ALOX5AP: variants seen among roughly 807,000 people sequenced by gnomAD.
ALOX5AP encodes arachidonate 5-lipoxygenase-activating protein.
ALOX5AP carries 9 observed loss-of-function variants against 18.5 expected under a neutral mutation model. That is an observed-to-expected ratio of 0.49 (90% CI 0.29 to 0.85). ALOX5AP has a LOEUF of 0.85. Ranked by LOEUF, ALOX5AP falls within the 40% of genes least tolerant of loss-of-function variation. The probability of loss-of-function intolerance (pLI) is 0.08; values close to 1 mark genes in which losing one functional copy is unlikely to be tolerated. For missense variants in ALOX5AP, 172 were observed against 202.5 expected, an observed-to-expected ratio of 0.85 and a Z score of 0.91; for synonymous variants, 81 against 78.6, an observed-to-expected ratio of 1.03 and a Z score of -0.16.
intron 1 of ALOX5AP, among the ~76,000 whole-genome samples, chr13:30,718,779 A>G (rs1383137302): frequency 6.6e-6 from 1 of 152,188 alleles, no homozygotes; most frequent in East Asian, 1.9e-4. Flanking sequence ...GGCCTCCTGT[A>G]AAACCTTGAC....
At chr13:30,718,593 T>C (rs1406176992) in intron 1 of ALOX5AP, among the ~76,000 whole-genome samples, 1 of 151,988 alleles carries the variant, frequency 6.6e-6, no homozygotes, top group Non-Finnish European at 1.5e-5. Context: ...TCTCTGAAAG[T>C]TCCTCTCACC....
intron 1 of ALOX5AP, among the ~76,000 whole-genome samples, chr13:30,739,891 A>G (rs1296043709): frequency 3.3e-5 from 5 of 152,212 alleles, no homozygotes; most frequent in Admixed American, 2.6e-4. Flanking sequence ...CCTCCAATTC[A>G]TTCATTCAAG....
intron 4 of ALOX5AP, among the ~76,000 whole-genome samples, chr13:30,760,622 C>T (rs771617900): frequency 7.9e-5 from 12 of 152,246 alleles, no homozygotes; most frequent in South Asian, 2.1e-4. Context: ...GTGCAAAGCA[C>T]GGGATTCTGG....
At chr13:30,724,819 G>T (rs1305502709) in intron 1 of ALOX5AP, among the ~76,000 whole-genome samples, 2 of 152,104 alleles carry the variant, frequency 1.3e-5, no homozygotes, top group African/African-American at 4.8e-5. Flanking sequence ...TATGAGATTG[G>T]GCCCAAGTAG....
chr13:30,721,460 ACT>A (rs1206483223), intron 1 of ALOX5AP, among the ~76,000 whole-genome samples: 1 of 151,778 alleles, frequency 6.6e-6, no homozygotes, highest in African/African-American at 2.4e-5. Flanking sequence ...ACCATTCTTG[ACT>A]CCTCTTCCTT....
chr13:30,715,204 C>A (rs887521635), intron 1 of ALOX5AP, among the ~76,000 whole-genome samples: 5 of 152,146 alleles, frequency 3.3e-5, no homozygotes, highest in African/African-American at 1.2e-4. Context: ...TGGCCAAGTT[C>A]CTGGGGCTCT....
chr13:30,713,837 T>C (rs1951527561), exon 1 of ALOX5AP: 1 of 1,479,050 alleles, frequency 6.8e-7, no homozygotes, highest in African/African-American at 1.7e-5. Flanking sequence ...AAGCCATCAG[T>C]GCTGGTGTGT....
intron 3 of ALOX5AP, among the ~76,000 whole-genome samples, chr13:30,754,200 T>C (rs982880190): frequency 6.6e-6 from 1 of 152,194 alleles, no homozygotes; most frequent in Admixed American, 6.5e-5. Context: ...GATAGCACCA[T>C]TGCACTCCAG....
At chr13:30,748,200 T>G (rs1951824563) in intron 2 of ALOX5AP, among the ~76,000 whole-genome samples, 2 of 152,160 alleles carry the variant, frequency 1.3e-5, no homozygotes, top group Non-Finnish European at 2.9e-5. Flanking sequence ...ATTACAGACG[T>G]GAGCCACTGG....
chr13:30,735,648 G>A lies in ALOX5AP; in HGVS notation c.43G>A (p.Val15Ile), dbSNP rs770152662. 12 of 1,614,010 alleles carry A rather than the reference G, an allele frequency of 7.4e-6. No homozygotes were observed. The highest frequency in any genetic ancestry group is 4.5e-5 in the East Asian group (2 of 44,888). Residue 15 changes from valine to isoleucine, a missense_variant, in exon 1 of 5, where the codon GTC (valine) becomes ATC (isoleucine). By Grantham distance (29) the Val-to-Ile change is conservative (BLOSUM62 3). Coordinates refer to ENST00000380490, the MANE Select transcript of ALOX5AP (RefSeq NM_001629.4). ...TVGNVVLLAI[V>I]TLISVVQNGF... ...AGGCAATGTTGTCCTGTTGGCCATC[G>A]TCACCCTCATCAGCGTGGTCCAGAA...
intron 1 of ALOX5AP, chr13:30,742,633 C>T (rs1593437302): frequency 1.3e-5 from 2 of 152,136 alleles, no homozygotes; most frequent in Admixed American, 1.3e-4. Context: ...GGGCACATTC[C>T]TACAGAAGGA....
chr13:30,749,114 G>A (rs1951831867), intron 2 of ALOX5AP, among the ~76,000 whole-genome samples: 2 of 152,222 alleles, frequency 1.3e-5, no homozygotes, highest in South Asian at 4.1e-4. Flanking sequence ...TCTTACAGCT[G>A]GGAGAATTTC....
At chr13:30,740,292 A>G (rs1297050378) in intron 1 of ALOX5AP, among the ~76,000 whole-genome samples, 1 of 152,256 alleles carries the variant, frequency 6.6e-6, no homozygotes, top group Non-Finnish European at 1.5e-5. Flanking sequence ...GTTTGTTGAG[A>G]AACTTATTTA....
In ALOX5AP at chr13:30,739,643, C is replaced by T. The variant is rs55872004; in HGVS notation, c.70+3968C>T. Among the ~76,000 whole-genome samples the T allele has an allele frequency of 4.1e-3, 629 of 152,288 alleles. 7 individuals carry two copies. Among genetic ancestry groups the T allele is most frequent in the African/African-American group, 0.014 (594 of 41,566 alleles). On this transcript the variant is annotated intron_variant, in intron 1 of 4. Coordinates refer to ENST00000380490, the MANE Select transcript of ALOX5AP (RefSeq NM_001629.4). Reference sequence around the variant, plus strand: ...AAGGACAGGGTTTCACCATGTTGGCCAGGTTGGCCTCCAACTCCTGACCTC... The same window carrying T: ...AAGGACAGGGTTTCACCATGTTGGCTAGGTTGGCCTCCAACTCCTGACCTC...
intron 4 of ALOX5AP, among the ~76,000 whole-genome samples, chr13:30,759,891 A>G (rs1951927240): frequency 6.6e-6 from 1 of 152,254 alleles, no homozygotes; most frequent in African/African-American, 2.4e-5. Context: ...AATCTCTGCC[A>G]GAGGAAGCCT....
intron 1 of ALOX5AP, among the ~76,000 whole-genome samples, chr13:30,716,104 G>A (rs1222800243): frequency 2.0e-5 from 3 of 152,212 alleles, no homozygotes; most frequent in Admixed American, 6.5e-5. Flanking sequence ...AGAATCCCAC[G>A]TGGAGCTACT....
chr13:30,739,221 T>C (rs1304223406), intron 1 of ALOX5AP, among the ~76,000 whole-genome samples: 1 of 152,234 alleles, frequency 6.6e-6, no homozygotes, highest in Non-Finnish European at 1.5e-5. Context: ...CGCTTCCTGC[T>C]GTGCTTAGTT....
chr13:30,730,610 AC>A (rs1351431155), upstream of ALOX5AP, among the ~76,000 whole-genome samples: 1 of 152,096 alleles, frequency 6.6e-6, no homozygotes, highest in Non-Finnish European at 1.5e-5. Flanking sequence ...AGGGAGGGCA[AC>A]CCTGAATGGG....
At chr13:30,763,493 C>T (rs1448965002) in intron 4 of ALOX5AP, among the ~76,000 whole-genome samples, 3 of 152,192 alleles carry the variant, frequency 2.0e-5, no homozygotes, top group Non-Finnish European at 2.9e-5. Flanking sequence ...CAGATTCCAC[C>T]GGTTTTATCG....
Sources: gnomAD v4.1 joint callset for allele counts (sites outside exome capture counted in the v4.1 genomes callset) on GRCh38, gnomAD v4.1.1 for gene constraint, MANE v1.5 for transcripts, NCBI Gene and HGNC (gene_info 2026-07-23, HGNC 2026-07-21) for gene names.